Variants in LMAN2 observed in about 807,000 individuals in gnomAD.
LMAN2 encodes lectin, mannose binding 2.
In LMAN2, 22 loss-of-function variants were observed where a neutral mutation model predicts 39.3. The ratio of observed to expected loss-of-function variants is 0.56; its 90% CI spans 0.40 to 0.80. LMAN2 has a LOEUF of 0.80. LMAN2 is among the 30% of genes least tolerant of loss of function. The probability of loss-of-function intolerance (pLI) is 0.00; values close to 1 mark genes in which losing one functional copy is unlikely to be tolerated. For synonymous variants in LMAN2, 207 were observed against 207.8 expected (o/e 1.00, Z 0.03); for missense variants, 494 against 505.4 (o/e 0.98, Z 0.22).
chr5:177,347,493 G>A (rs1177426791), intron 2 of LMAN2, among the ~76,000 whole-genome samples: 3 of 152,158 alleles, frequency 2.0e-5, no homozygotes, highest in Non-Finnish European at 4.4e-5. Context: ...ATCTTAAGCA[G>A]GCAAGGCACA....
Position 177,332,923 on chromosome 5 carries a change from C to CG in LMAN2, c.911-678_911-677insC, listed in dbSNP as rs1761412069. On this transcript the variant is annotated intron_variant, in intron 7 of 7. Coordinates refer to ENST00000303127, the MANE Select transcript of LMAN2 (RefSeq NM_006816.3). The surrounding 1 kb of genome is among the most constrained non-coding windows in gnomAD (Gnocchi z 6.3). ...ACTCTGCCTCCCTCCCTGACTGCGG[C>CG]CCCCCCGACTCCACACTGTACAGTC... Among the ~76,000 whole-genome samples, 1 of 151,802 alleles carries CG rather than the reference C, an allele frequency of 6.6e-6. No individual in the cohort carries two copies. The highest frequency in any genetic ancestry group is 2.4e-5 in the African/African-American group (1 of 41,328).
rs376020874 is a variant in LMAN2, at chr5:177,337,489, A to G, written c.549T>C (p.Asn183=). Residue 183 remains asparagine (N), a synonymous_variant, in exon 5 of 8, where the codon AAT becomes AAC. Coordinates refer to ENST00000303127, the MANE Select transcript of LMAN2 (RefSeq NM_006816.3). The surrounding 1 kb of genome is among the most constrained non-coding windows in gnomAD (Gnocchi z 8.2). ...VFPYISVMVN[N]GSLSYDHSKD... Reference sequence around the variant, plus strand: ...TGCTGTGGTCGTAGGACAGGGAGCCATTGTTCACCATCACCGAGATGTACG... The same window carrying G: ...TGCTGTGGTCGTAGGACAGGGAGCCGTTGTTCACCATCACCGAGATGTACG... 1.3e-5 allele frequency: 21 copies of G among 1,613,850 alleles called. No homozygotes were observed. The highest frequency in any genetic ancestry group is 1.6e-5 in the Non-Finnish European group (19 of 1,179,994).
Position 177,334,279 on chromosome 5 carries a change from C to T in LMAN2, c.910+5G>A, listed in dbSNP as rs777568264. 5 of 1,610,766 alleles carry T rather than the reference C, an allele frequency of 3.1e-6. No individual in the cohort carries two copies. Among genetic ancestry groups the T allele is most frequent in the Middle Eastern group, 2.1e-4 (1 of 4,696 alleles). On this transcript the variant is annotated splice_donor_5th_base_variant and intron_variant, in intron 7 of 7. Transcript: ENST00000303127. ...CCCAGGCAGGGCGGGGCTGTGCACA[C>T]GCACCTTTGGGCGACTTGAGGAAGT...
chr5:177,337,513 C>A lies in LMAN2; in HGVS notation c.525G>T (p.Pro175=), dbSNP rs746759642. ...PNDETTERVF[P]YISVMVNNGS... ...CATTGTTCACCATCACCGAGATGTA[C>A]GGGAACACGCGCTGGGACCAAGACA... Residue 175 remains proline (P), a synonymous_variant, in exon 5 of 8, where the codon CCG becomes CCT. Coordinates refer to ENST00000303127, the MANE Select transcript of LMAN2 (RefSeq NM_006816.3). This position sits in a 1 kb window ranked among gnomAD's most constrained non-coding sequence, Gnocchi z 8.2. The A allele has an allele frequency of 5.6e-6, 9 of 1,613,974 alleles. No homozygotes were observed. Among genetic ancestry groups the A allele is most frequent in the South Asian group, 2.2e-5 (2 of 91,076 alleles).
In LMAN2 at chr5:177,334,413, C is replaced by G. The variant is rs1761439259; in HGVS notation, c.791-10G>C. 6.2e-7 allele frequency: 1 copy of G among 1,610,696 alleles called. No homozygotes were observed. Among genetic ancestry groups the G allele is most frequent in the Non-Finnish European group, 8.5e-7 (1 of 1,179,114 alleles). On this transcript the variant is annotated splice_polypyrimidine_tract_variant and intron_variant, in intron 6 of 7. Transcript: ENST00000303127. Reference sequence around the variant, plus strand: ...ATGATGTCATGATTGTCTGCAGGACCAAGAATAAACCTGTGACAGCCTACA... The same window carrying G: ...ATGATGTCATGATTGTCTGCAGGACGAAGAATAAACCTGTGACAGCCTACA...
rs1156233136 is a variant in LMAN2 at position 177,332,472 on chromosome 5, C to T, written c.911-226G>A. 1.3e-5 allele frequency among the ~76,000 whole-genome samples: 2 copies of T among 152,130 alleles called. No homozygotes were observed. Among genetic ancestry groups the T allele is most frequent in the Admixed American group, 1.3e-4 (2 of 15,282 alleles). On this transcript the variant is annotated intron_variant, in intron 7 of 7. Transcript: ENST00000303127. This position sits in a 1 kb window ranked among gnomAD's most constrained non-coding sequence, Gnocchi z 6.3. ...AGAGAGGACCAAGCCCACAGGGACC[C>T]GGGACCCCAGCGACAAGCCTGGGCT...
chr5:177,348,522 A>G (rs1223002171), intron 2 of LMAN2, among the ~76,000 whole-genome samples: 1 of 151,934 alleles, frequency 6.6e-6, no homozygotes, highest in African/African-American at 2.4e-5. Flanking sequence ...CCTCATCTCT[A>G]CTAAAAATAC....
intron 7 of LMAN2, among the ~76,000 whole-genome samples, chr5:177,333,964 TCA>T (rs931780756): frequency 3.9e-5 from 6 of 152,202 alleles, no homozygotes; most frequent in African/African-American, 1.4e-4. Flanking sequence ...GGCCCACCAC[TCA>T]CACGTTTGTT....
chr5:177,348,710 A>C (rs1761675579), intron 2 of LMAN2, among the ~76,000 whole-genome samples: 1 of 149,904 alleles, frequency 6.7e-6, no homozygotes, highest in Non-Finnish European at 1.5e-5. Flanking sequence ...AAAAAAAAAA[A>C]AAACCTCTAC....
intron 2 of LMAN2, among the ~76,000 whole-genome samples, chr5:177,344,736 G>A (rs1021146489): frequency 6.6e-6 from 1 of 150,850 alleles, no homozygotes; most frequent in Non-Finnish European, 1.5e-5. Flanking sequence ...GTGAAACCTC[G>A]TCCTACTAAA....
chr5:177,336,292 G>A (rs1010802381), intron 6 of LMAN2, among the ~76,000 whole-genome samples: 2 of 152,192 alleles, frequency 1.3e-5, no homozygotes, highest in African/African-American at 4.8e-5. Context: ...GGAAGCCACA[G>A]TAGGCAGGGG....
intron 6 of LMAN2, 79 bp from the exon 7 acceptor site, chr5:177,334,482 A>G: frequency 6.5e-7 from 1 of 1,528,296 alleles, no homozygotes; most frequent in Non-Finnish European, 8.8e-7. Flanking sequence ...CCACAAGGAA[A>G]GCTGCTGCTG....
intron 2 of LMAN2, among the ~76,000 whole-genome samples, chr5:177,342,077 G>A (rs1761563301): frequency 6.6e-6 from 1 of 152,094 alleles, no homozygotes; most frequent in Admixed American, 6.6e-5. Flanking sequence ...AAACCCAAAT[G>A]TATCATATTT....
intron 2 of LMAN2, 106 bp downstream of exon 2, chr5:177,351,067 G>A (rs1761714839): frequency 3.2e-6 from 3 of 941,682 alleles, no homozygotes; most frequent in Admixed American, 3.4e-5. Flanking sequence ...GAAAAGGCCA[G>A]GGACGGAGGT....
intron 2 of LMAN2, chr5:177,346,519 G>T (rs1050087857): frequency 1.1e-5 from 2 of 174,286 alleles, no homozygotes; most frequent in Non-Finnish European, 2.4e-5. Flanking sequence ...ATGTAAAAAG[G>T]GGTTCTTCTT....
intron 2 of LMAN2, among the ~76,000 whole-genome samples, chr5:177,340,261 A>C (rs1267292424): frequency 6.6e-6 from 1 of 152,140 alleles, no homozygotes; most frequent in Non-Finnish European, 1.5e-5. Flanking sequence ...ATTTTTTTCT[A>C]ATTTTTTTCC....
rs770434916 is a variant in LMAN2 at position 177,334,383 on chromosome 5, T to C, written c.811A>G (p.Met271Val). 2.5e-6 allele frequency: 4 copies of C among 1,613,296 alleles called. No homozygotes were observed. Among genetic ancestry groups the C allele is most frequent in the Non-Finnish European group, 3.4e-6 (4 of 1,179,922 alleles). ...DLSDNHDIIS[M>V]KLFQLMVEHT... ...TCCACCATCAGCTGGAACAGCTTCA[T>C]GGAGATGATGTCATGATTGTCTGCA... The change falls in exon 7 of 8, where the codon ATG becomes GTG. Residue 271 changes from methionine (M) to valine (V), a missense_variant. Physicochemically the swap from Met to Val is conservative, Grantham distance 21 (BLOSUM62 1). Coordinates refer to ENST00000303127, the MANE Select transcript of LMAN2 (RefSeq NM_006816.3).
intron 2 of LMAN2, among the ~76,000 whole-genome samples, chr5:177,345,339 TAAAAA>T (rs10639580): frequency 1.3e-4 from 7 of 52,416 alleles, no homozygotes; most frequent in Admixed American, 2.5e-4. Flanking sequence ...AGACCCTGTC[TAAAAA>T]AAAAAAAAAA....
chr5:177,332,944 C>A lies in LMAN2; in HGVS notation c.911-698G>T, dbSNP rs905025697. ...GCGGCCCCCCCGACTCCACACTGTA[C>A]AGTCTCCTCAGGCGTCCCCACACCC... On this transcript the variant is annotated intron_variant, in intron 7 of 7. Coordinates refer to ENST00000303127, the MANE Select transcript of LMAN2 (RefSeq NM_006816.3). The surrounding 1 kb of genome is among the most constrained non-coding windows in gnomAD (Gnocchi z 6.3). 6.6e-6 allele frequency among the ~76,000 whole-genome samples: 1 copy of A among 152,310 alleles called. No homozygotes were observed. Among genetic ancestry groups the A allele is most frequent in the South Asian group, 2.1e-4 (1 of 4,828 alleles).
Sources: allele counts gnomAD v4.1 joint callset (sites outside exome capture counted in the v4.1 genomes callset), GRCh38; gene constraint gnomAD v4.1.1; non-coding constraint Gnocchi (gnomAD v3.1); transcripts MANE v1.5; gene names NCBI Gene and HGNC (gene_info 2026-07-23, HGNC 2026-07-21).